MID1: variants seen among roughly 807,000 people sequenced by gnomAD.
The protein encoded by MID1 is midline 1, also known as E3 ubiquitin-protein ligase Midline-1.
Under a neutral mutation model 40.4 loss-of-function variants are expected in MID1, and 7 were observed. That is an observed-to-expected ratio of 0.17 (90% confidence interval 0.10 to 0.33). The LOEUF (loss-of-function observed/expected upper bound fraction) is 0.33. MID1 is among the 10% of genes least tolerant of loss of function. The pLI is 1.00. For missense variants in MID1, 367 were observed against 558.5 expected (o/e 0.66, Z 3.46); for synonymous variants, 229 against 221.2 (o/e 1.04, Z -0.31).
chrX:10,544,045 T>C (rs953019676), intron 2 of MID1, among the ~76,000 whole-genome samples: 4 of 111,295 alleles, frequency 3.6e-5, no homozygotes, highest in African/African-American at 1.3e-4. Context: ...TCAGGCTGTT[T>C]CCCAGGGTTA....
At chrX:10,636,792 A>ATATATATATATATG (rs1464631069) in intron 1 of MID1, among the ~76,000 whole-genome samples, 1 of 64,544 alleles carries the variant, frequency 1.5e-5, no homozygotes, top group African/African-American at 6.0e-5. Flanking sequence ...GGGGATATAT[A>ATATATATATATATG]TATATATATA....
rs777836016 is a variant in MID1 at position 10,694,727 on chromosome X, AAGC to A, written c.-186-74311_-186-74309del. 4.3e-4 allele frequency among the ~76,000 whole-genome samples: 48 copies of A among 112,123 alleles called. No individual in the cohort carries two copies. In the East Asian group the frequency reaches 0.013, roughly 29 times the overall value. On this transcript the variant is annotated intron_variant, in intron 1 of 10. Transcript: ENST00000380785. ...CTAGTGCTGGATTGCGAATTTTACA[AAGC>A]ATGGTGAAAAAATAGATGGAGTTGA...
At chrX:10,827,487 G>C (rs1250975437) in intron 1 of MID1, among the ~76,000 whole-genome samples, 1 of 93,034 alleles carries the variant, frequency 1.1e-5, no homozygotes, top group Non-Finnish European at 2.1e-5. Flanking sequence ...GAGAGAGAGA[G>C]AGAGAGAGAT....
At chrX:10,462,574 G>A (rs766342986) in intron 7 of MID1, among the ~76,000 whole-genome samples, 1 of 111,770 alleles carries the variant, frequency 8.9e-6, no homozygotes, top group Non-Finnish European at 1.9e-5. Context: ...CACCTCCTCC[G>A]ACTCAGTTTA....
Position 10,474,257 on chromosome X carries a change from A to G in MID1, c.1141+366T>C, listed in dbSNP as rs1170593008. 1.1e-4 allele frequency among the ~76,000 whole-genome samples: 12 copies of G among 112,152 alleles called. No individual in the cohort carries two copies. The Admixed American group carries it at 1.1e-3, about 11-fold the overall frequency. ...TACAAGGAGATGAAGCAGTACAGAC[A>G]ACCAATCAGTTAGCTGCCAATTTTT... On this transcript the variant is annotated intron_variant, in intron 6 of 9. Coordinates refer to ENST00000317552, the MANE Select transcript of MID1 (RefSeq NM_000381.4).
intron 9 of MID1, among the ~76,000 whole-genome samples, chrX:10,452,776 G>A (rs1002092365): frequency 9.0e-6 from 1 of 111,597 alleles, no homozygotes; most frequent in Admixed American, 9.5e-5. Flanking sequence ...CCCCTCATGA[G>A]TTAGTTTTGA....
At chrX:10,826,796 T>C (rs1324365425) in intron 1 of MID1, among the ~76,000 whole-genome samples, 1 of 112,715 alleles carries the variant, frequency 8.9e-6, no homozygotes, top group African/African-American at 3.2e-5. Flanking sequence ...CACTTGACTG[T>C]TATTTACTTG....
intron 1 of MID1, among the ~76,000 whole-genome samples, chrX:10,665,156 G>A (rs894441150): frequency 2.7e-5 from 3 of 112,129 alleles, no homozygotes; most frequent in Non-Finnish European, 5.6e-5. Context: ...AATAGCAAGA[G>A]ATATTTTTGG....
chrX:10,696,276 A>T (rs1275247402), intron 1 of MID1, among the ~76,000 whole-genome samples: 1 of 111,757 alleles, frequency 8.9e-6, no homozygotes, highest in Non-Finnish European at 1.9e-5. Flanking sequence ...TTCAGTAAAC[A>T]CACTATGCAT....
rs976704176 is a variant in MID1 at position 10,819,789 on chromosome X, C to A, written c.-187+13765G>T. Among the ~76,000 whole-genome samples the A allele has an allele frequency of 6.3e-5, 7 of 111,647 alleles. No individual in the cohort carries two copies. In the East Asian group the frequency reaches 1.7e-3, roughly 27 times the overall value. ...TCCTGCCAATATGCAATCCTAGGAC[C>A]TGAGTAAGAGCCATATTTTATTGAC... On this transcript the variant is annotated intron_variant, in intron 1 of 10. Transcript: ENST00000380785.
chrX:10,810,055 G>C, intron 1 of MID1, among the ~76,000 whole-genome samples: 2 of 111,543 alleles, frequency 1.8e-5, no homozygotes, highest in Middle Eastern at 4.6e-3. Flanking sequence ...CTTTTAAAGT[G>C]TACAATTCAA....
At chrX:10,553,564 A>G (rs886354927) in intron 2 of MID1, among the ~76,000 whole-genome samples, 1 of 112,002 alleles carries the variant, frequency 8.9e-6, no homozygotes, top group African/African-American at 3.2e-5. Flanking sequence ...ATAGACCAAG[A>G]CTATAAATTT....
chrX:10,635,913 T>C (rs1936104490), intron 1 of MID1, among the ~76,000 whole-genome samples: 1 of 112,412 alleles, frequency 8.9e-6, no homozygotes, highest in African/African-American at 3.2e-5. Flanking sequence ...GAAACTGGTT[T>C]CATTCTTCAG....
chrX:10,646,182 C>A (rs757934605), intron 1 of MID1, among the ~76,000 whole-genome samples: 1 of 112,128 alleles, frequency 8.9e-6, no homozygotes, highest in East Asian at 2.8e-4. Flanking sequence ...AAGACAAGCA[C>A]CTACTCCATA....
intron 3 of MID1, among the ~76,000 whole-genome samples, chrX:10,516,188 C>CTTTTTTT (rs1191096522): frequency 9.8e-5 from 7 of 71,476 alleles, no homozygotes; most frequent in African/African-American, 3.1e-4. Context: ...TGAAGTTGCT[C>CTTTTTTT]TTTTTTTTTT....
intron 1 of MID1, among the ~76,000 whole-genome samples, chrX:10,730,384 T>C (rs1292082291): frequency 2.7e-5 from 3 of 110,529 alleles, no homozygotes; most frequent in Admixed American, 9.7e-5. Flanking sequence ...ATCAAGAAGA[T>C]TGAAAATGCT....
At chrX:10,581,630 C>A (rs1275393511) in intron 1 of MID1, among the ~76,000 whole-genome samples, 1 of 112,038 alleles carries the variant, frequency 8.9e-6, no homozygotes, top group East Asian at 2.8e-4. Context: ...TTACTGGAAA[C>A]CTCTTCATAC....
chrX:10,472,936 C>T (rs935335252), intron 6 of MID1, among the ~76,000 whole-genome samples: 2 of 112,229 alleles, frequency 1.8e-5, no homozygotes, highest in African/African-American at 6.5e-5. Context: ...TTATTCACTG[C>T]TAGTTGGATT....
rs374812607 is a variant in MID1, at chrX:10,566,920, C to T, written c.628G>A (p.Ala210Thr). ...TTGTCATAGCGCTCACTCAAAGCTG[C>T]CACCTGATGATCGCGGTGCCGCCCA... is the stretch of plus-strand genomic sequence containing the variant. Reference protein sequence around the residue: ...LVGRHRDHQVAALSERYDKLK... With the variant: ...LVGRHRDHQVTALSERYDKLK... The change falls in exon 2 of 10, where the codon GCA becomes ACA. Residue 210 changes from alanine (A) to threonine (T), a missense_variant. Ala to Thr is a moderately conservative substitution (Grantham distance 58). Coordinates refer to ENST00000317552, the MANE Select transcript of MID1 (RefSeq NM_000381.4). 3 of 1,211,780 alleles carry T rather than the reference C, an allele frequency of 2.5e-6. No homozygotes were observed. Among genetic ancestry groups the T allele is most frequent in the Non-Finnish European group, 2.2e-6 (2 of 895,520 alleles).
Sources: gnomAD v4.1 joint callset for allele counts (sites outside exome capture counted in the v4.1 genomes callset) on GRCh38, gnomAD v4.1.1 for gene constraint, MANE v1.5 for transcripts, NCBI Gene and HGNC (gene_info 2026-07-23, HGNC 2026-07-21) for gene names.